The following TNFRSF10B variants were observed in gnomAD, a reference collection of about 807,000 sequenced individuals.
The protein encoded by TNFRSF10B is tumor necrosis factor receptor superfamily member 10B.
Under a neutral mutation model 41.4 loss-of-function variants are expected in TNFRSF10B, and 35 were observed. That is an observed-to-expected ratio of 0.85 (90% confidence interval 0.65 to 1.12). The LOEUF (loss-of-function observed/expected upper bound fraction) is 1.12. TNFRSF10B is among the 50% of genes most tolerant of loss of function. TNFRSF10B has a pLI of 0.00. For synonymous variants in TNFRSF10B, 230 were observed against 215.5 expected (o/e 1.07, Z -0.59); for missense variants, 584 against 552.7 (o/e 1.06, Z -0.57).
At chr8:23,050,628 G>A (rs1812498282) in intron 1 of TNFRSF10B, among the ~76,000 whole-genome samples, 1 of 152,108 alleles carries the variant, frequency 6.6e-6, no homozygotes, top group South Asian at 2.1e-4. Context: ...CTACTCTGGG[G>A]TTTTAAAGAA....
At chr8:23,064,769 C>T (rs1321062006) in intron 1 of TNFRSF10B, among the ~76,000 whole-genome samples, 3 of 152,168 alleles carry the variant, frequency 2.0e-5, no homozygotes, top group Admixed American at 2.0e-4. Context: ...TCACCCACAT[C>T]CTTAAAACTG....
chr8:23,025,700 T>G (rs1323244105), intron 7 of TNFRSF10B, among the ~76,000 whole-genome samples: 1 of 152,154 alleles, frequency 6.6e-6, no homozygotes, highest in Non-Finnish European at 1.5e-5. Flanking sequence ...GCCAAAAGGC[T>G]GGGAAAGAGT....
At chr8:23,035,490 G>A (rs771404790) in intron 2 of TNFRSF10B, among the ~76,000 whole-genome samples, 8 of 152,088 alleles carry the variant, frequency 5.3e-5, no homozygotes, top group African/African-American at 1.9e-4. Flanking sequence ...CACACAAGAC[G>A]ATCCATTATA....
At chr8:23,057,229 T>G (rs577496742) in intron 1 of TNFRSF10B, among the ~76,000 whole-genome samples, 1 of 151,392 alleles carries the variant, frequency 6.6e-6, no homozygotes, top group African/African-American at 2.4e-5. Context: ...GTATTTTCAG[T>G]AGAGATGGGG....
In TNFRSF10B at chr8:23,025,706, AGAGT is replaced by A. The variant is rs1811682049; in HGVS notation, c.936+1423_936+1426del. 2.0e-5 allele frequency among the ~76,000 whole-genome samples: 3 copies of A among 152,242 alleles called. No individual in the cohort carries two copies. In the South Asian group the frequency reaches 6.2e-4, roughly 31 times the overall value. ...ATAAGAAGGGCCAAAAGGCTGGGAA[AGAGT>A]AAAGAAGGCTCTTGGTATGATCAAG... On this transcript the variant is annotated intron_variant, in intron 7 of 8. Transcript: ENST00000276431.
intron 1 of TNFRSF10B, among the ~76,000 whole-genome samples, chr8:23,063,814 GA>G (rs1319062455): frequency 2.0e-5 from 3 of 152,160 alleles, no homozygotes; most frequent in Non-Finnish European, 2.9e-5. Flanking sequence ...TGTCCCCGGG[GA>G]AAACTTGACA....
Position 23,022,267 on chromosome 8 carries a change from C to A in TNFRSF10B, c.*404G>T, listed in dbSNP as rs1367476510. On this transcript the variant is annotated 3_prime_UTR_variant, in exon 9 of 9. Transcript: ENST00000276431. ...AGAGTGAACTGCCCCGCACCCCCCA[C>A]CCAAAAAAGGTTCATATCATATAGT... 4 of 454,054 alleles carry A rather than the reference C, an allele frequency of 8.8e-6. No homozygotes were observed. The Admixed American group carries it at 9.4e-5, about 11-fold the overall frequency. The allele number at this position is 454,054 out of a possible 1,614,324, so 28.1% of individuals were successfully genotyped here. A position where few individuals can be genotyped will look rare whatever the true frequency, so the allele number is the denominator to read the frequency against.
intron 7 of TNFRSF10B, among the ~76,000 whole-genome samples, chr8:23,026,914 G>A (rs1811720127): frequency 6.6e-6 from 1 of 152,120 alleles, no homozygotes; most frequent in South Asian, 2.1e-4. Context: ...CCAGGCTCGG[G>A]GGACACAGCA....
chr8:23,037,188 C>T (rs566047873), intron 2 of TNFRSF10B, among the ~76,000 whole-genome samples: 1 of 152,286 alleles, frequency 6.6e-6, no homozygotes, highest in South Asian at 2.1e-4. Context: ...TCTTTCCCAG[C>T]CATCCTTGTC....
rs115999720 is a variant in TNFRSF10B, at chr8:23,020,184, A to T, written c.*2487T>A. 1,780 of 429,808 alleles carry T rather than the reference A, an allele frequency of 4.1e-3. 31 individuals carry two copies. Among genetic ancestry groups the T allele is most frequent in the African/African-American group, 0.033 (1,607 of 49,088 alleles). 26.6% of individuals were successfully genotyped at this position (429,808 alleles called of 1,614,324 possible). On this transcript the variant is annotated 3_prime_UTR_variant, in exon 9 of 9. Coordinates refer to ENST00000276431, the MANE Select transcript of TNFRSF10B (RefSeq NM_003842.5). Reference sequence around the variant, plus strand: ...TTGGTCATGGATTCATAAATACATAAGTATTTTGTACACAATGTGCTTCCT... The same window carrying T: ...TTGGTCATGGATTCATAAATACATATGTATTTTGTACACAATGTGCTTCCT...
intron 1 of TNFRSF10B, among the ~76,000 whole-genome samples, chr8:23,050,703 A>G (rs181716698): frequency 1.3e-5 from 2 of 152,368 alleles, no homozygotes; most frequent in Admixed American, 6.5e-5. Context: ...CTGTAAAAGC[A>G]TCACATGGTC....
chr8:23,068,820 C>T lies in TNFRSF10B; in HGVS notation c.75G>A (p.Ala25=). ...CCCGGGGCCCAGGCCTGGCTCCCCG[C>T]GCCTCCCTGGGTCCTGGGCCGTGCC... is the stretch of plus-strand genomic sequence containing the variant. The part of the protein sequence containing the change: ...RKRHGPGPRE[A]RGARPGPRVP... The change falls in exon 1 of 9, where the codon GCG becomes GCA. Residue 25 remains alanine, a synonymous_variant. Coordinates refer to ENST00000276431, the MANE Select transcript of TNFRSF10B (RefSeq NM_003842.5). 6.2e-7 allele frequency: 1 copy of T among 1,612,418 alleles called. No homozygotes were observed. The highest frequency in any genetic ancestry group is 1.1e-5 in the South Asian group (1 of 90,968).
chr8:23,063,019 AT>A (rs771327849), intron 1 of TNFRSF10B, among the ~76,000 whole-genome samples: 3 of 152,296 alleles, frequency 2.0e-5, no homozygotes, highest in Non-Finnish European at 2.9e-5. Context: ...GTGCATTCAT[AT>A]TTCTATTCCT....
rs1325483860 is a variant in TNFRSF10B at position 23,020,968 on chromosome 8, C to T, written c.*1703G>A. On this transcript the variant is annotated 3_prime_UTR_variant, in exon 9 of 9. Coordinates refer to ENST00000276431, the MANE Select transcript of TNFRSF10B (RefSeq NM_003842.5). ...GTGCAAAGACCAGAAAGGTCACCCC[C>T]CACTCCTAAAACTCCACAGACACAA... The T allele has an allele frequency of 4.4e-6, 2 of 454,094 alleles. No individual in the cohort carries two copies. The highest frequency in any genetic ancestry group is 8.8e-6 in the Non-Finnish European group (2 of 226,792). The allele number at this position is 454,094 out of a possible 1,614,324, so 28.1% of individuals were successfully genotyped here.
chr8:23,042,983 C>G, intron 2 of TNFRSF10B, 155 bp downstream of exon 2: 1 of 646,920 alleles, frequency 1.5e-6, no homozygotes, highest in East Asian at 2.8e-5. Context: ...TGATACCATC[C>G]TAGCAGGAAG....
chr8:23,039,322 T>A (rs947202713), intron 2 of TNFRSF10B, among the ~76,000 whole-genome samples: 1 of 151,998 alleles, frequency 6.6e-6, no homozygotes, highest in Non-Finnish European at 1.5e-5. Flanking sequence ...TCTAGAGAGA[T>A]AAAGATTTAT....
intron 1 of TNFRSF10B, among the ~76,000 whole-genome samples, chr8:23,058,056 GGC>G (rs1454937644): frequency 2.0e-5 from 3 of 152,242 alleles, no homozygotes; most frequent in African/African-American, 7.2e-5. Context: ...AGACCAGACT[GGC>G]CAACATGGTG....
chr8:23,020,646 C>G lies in TNFRSF10B; in HGVS notation c.*2025G>C, dbSNP rs900348606. The G allele has an allele frequency of 6.6e-6, 3 of 453,846 alleles. No homozygotes were observed. Among genetic ancestry groups the G allele is most frequent in the Non-Finnish European group, 1.3e-5 (3 of 226,776 alleles). The allele number at this position is 453,846 out of a possible 1,614,324, so 28.1% of individuals were successfully genotyped here. On this transcript the variant is annotated 3_prime_UTR_variant, in exon 9 of 9. Transcript: ENST00000276431. ...GGCGGAGGTTGCACTGAGCCAAGAT[C>G]GTACCGTTGCACTCCAGCCTGGGCG...
At chr8:23,041,794 G>A (rs1342844048) in intron 2 of TNFRSF10B, among the ~76,000 whole-genome samples, 1 of 152,002 alleles carries the variant, frequency 6.6e-6, no homozygotes, top group Non-Finnish European at 1.5e-5. Context: ...TGGCTGGAAG[G>A]GCCATCTCTC....
Sources: gnomAD v4.1 joint callset for allele counts (sites outside exome capture counted in the v4.1 genomes callset) on GRCh38, gnomAD v4.1.1 for gene constraint, MANE v1.5 for transcripts, NCBI Gene and HGNC (gene_info 2026-07-23, HGNC 2026-07-21) for gene names.